PDE1C: variants seen among roughly 807,000 people sequenced by gnomAD.
PDE1C encodes dual specificity calcium/calmodulin-dependent 3',5'-cyclic nucleotide phosphodiesterase 1C.
Under a neutral mutation model 93.1 loss-of-function variants are expected in PDE1C, and 62 were observed. That is an observed-to-expected ratio of 0.67 (90% CI 0.54 to 0.82). PDE1C has a LOEUF of 0.82. Among genes scored for constraint, PDE1C ranks in the 40% least tolerant of loss-of-function variants. The probability of loss-of-function intolerance (pLI) is 0.00; values close to 1 mark genes in which losing one functional copy is unlikely to be tolerated. For synonymous variants in PDE1C, 325 were observed against 310.1 expected, an observed-to-expected ratio of 1.05 and a Z score of -0.50; for missense variants, 742 against 884.6, an observed-to-expected ratio of 0.84 and a Z score of 2.04.
chr7:32,019,455 C>T (rs1788362771), intron 2 of PDE1C, among the ~76,000 whole-genome samples: 1 of 152,134 alleles, frequency 6.6e-6, no homozygotes, highest in Admixed American at 6.5e-5. Flanking sequence ...GCCAGGCATA[C>T]CATGCTAGCG....
intron 2 of PDE1C, among the ~76,000 whole-genome samples, chr7:31,981,958 T>C (rs1812438261): frequency 6.6e-6 from 1 of 152,236 alleles, no homozygotes; most frequent in Non-Finnish European, 1.5e-5. Context: ...GCCAACACTA[T>C]TCCCAAATAT....
chr7:31,695,078 C>T, the PDE1C span, among the ~76,000 whole-genome samples: 1 of 152,068 alleles, frequency 6.6e-6, no homozygotes, highest in Non-Finnish European at 1.5e-5. Context: ...CCATACTGGC[C>T]CTTGGGGTCT....
At chr7:31,997,932 A>G (rs1031158686) in intron 2 of PDE1C, among the ~76,000 whole-genome samples, 4 of 152,242 alleles carry the variant, frequency 2.6e-5, no homozygotes, top group Non-Finnish European at 4.4e-5. Flanking sequence ...AATGTCCCTT[A>G]CTTTAAAAAC....
At chr7:32,317,652 C>T (rs1354148841) in intron 1 of PDE1C, among the ~76,000 whole-genome samples, 1 of 151,972 alleles carries the variant, frequency 6.6e-6, no homozygotes, top group Non-Finnish European at 1.5e-5. Flanking sequence ...TCATCCTACC[C>T]ATAGCCATGT....
chr7:31,997,102 C>T lies in PDE1C; in HGVS notation c.128+54452G>A, dbSNP rs183628845. ...AATAGGTGGGCAAATATTGACAAAACATTAAATAACAACAAACAGTGCTTC... is the reference window on the plus strand; with the variant it reads ...AATAGGTGGGCAAATATTGACAAAATATTAAATAACAACAAACAGTGCTTC... On this transcript the variant is annotated intron_variant, in intron 2 of 17. Transcript: ENST00000396191. Among the ~76,000 whole-genome samples, 431 of 152,264 alleles carry T rather than the reference C, an allele frequency of 2.8e-3. 1 individual carries two copies. Among genetic ancestry groups the T allele is most frequent in the Non-Finnish European group, 4.3e-3 (295 of 68,010 alleles).
At chr7:31,672,276 G>T in the PDE1C span, among the ~76,000 whole-genome samples, 13,488 of 152,044 alleles carry the variant, frequency 0.089, 1,406 homozygotes, top group African/African-American at 0.25. Context: ...TTTTCAAAAC[G>T]TTATTATGGA....
At chr7:31,696,385 C>T in the PDE1C span, among the ~76,000 whole-genome samples, 1 of 152,184 alleles carries the variant, frequency 6.6e-6, no homozygotes, top group Non-Finnish European at 1.5e-5. Context: ...GAAGTGACAT[C>T]ATAAGGGAGT....
At chr7:31,983,649 A>C (rs746013759) in intron 2 of PDE1C, among the ~76,000 whole-genome samples, 3 of 152,096 alleles carry the variant, frequency 2.0e-5, no homozygotes, top group Non-Finnish European at 4.4e-5. Context: ...AAAAATCACC[A>C]TGGTTTACAG....
In PDE1C at chr7:32,405,381, A is replaced by C. The variant is rs574568237; in HGVS notation, c.310+22441T>G. On this transcript the variant is annotated intron_variant, in intron 1 of 1. Coordinates refer to the PDE1C transcript ENST00000672256. ...ATTCTCCTGCCTCAGCCTCCCAAGT[A>C]GCTGGGATTACAGGCATGCACCACC... Among the ~76,000 whole-genome samples the C allele has an allele frequency of 5.3e-5, 8 of 151,670 alleles. 1 individual carries two copies. In the East Asian group the frequency reaches 1.4e-3, roughly 26 times the overall value.
upstream of PDE1C, among the ~76,000 whole-genome samples, chr7:32,301,622 C>A (rs946198877): frequency 6.6e-6 from 1 of 152,186 alleles, no homozygotes; most frequent in Non-Finnish European, 1.5e-5. Context: ...GCCTTTTCAG[C>A]CTTTGGATTC....
At chr7:31,783,748 A>G (rs1016775300) in intron 16 of PDE1C, 3 of 152,176 alleles carry the variant, frequency 2.0e-5, no homozygotes, top group Admixed American at 1.3e-4. Flanking sequence ...ATATGATGCT[A>G]TGGCATTTGG....
intron 3 of PDE1C, among the ~76,000 whole-genome samples, chr7:32,163,114 C>A (rs1045121954): frequency 3.9e-5 from 6 of 152,178 alleles, no homozygotes; most frequent in African/African-American, 1.4e-4. Context: ...AGGAAGGCAA[C>A]ACTAAGTCAG....
the PDE1C span, among the ~76,000 whole-genome samples, chr7:31,704,301 C>T: frequency 3.3e-5 from 5 of 151,990 alleles, no homozygotes; most frequent in East Asian, 1.9e-4. Context: ...TCCCTGAGAC[C>T]GCAATGTAAT....
Position 32,198,669 on chromosome 7 carries a change from C to A in PDE1C, c.136+10820G>T, listed in dbSNP as rs10224462. Among the ~76,000 whole-genome samples the A allele has an allele frequency of 4.3e-3, 657 of 152,286 alleles. 6 individuals carry two copies. The highest frequency in any genetic ancestry group is 0.015 in the African/African-American group (625 of 41,554). On this transcript the variant is annotated intron_variant, in intron 2 of 18. Coordinates refer to the PDE1C transcript ENST00000396193. ...AAGAAGAAAGGGGATGAAGACTACACAAAAGCCTCAAGAAAGTTTCCAGAA... is the reference window on the plus strand; with the variant it reads ...AAGAAGAAAGGGGATGAAGACTACAAAAAAGCCTCAAGAAAGTTTCCAGAA...
intron 1 of PDE1C, among the ~76,000 whole-genome samples, chr7:32,389,197 T>G (rs1963473): frequency 2.0e-3 from 227 of 116,024 alleles, no homozygotes; most frequent in African/African-American, 6.6e-3. Context: ...TGTGGTTTTT[T>G]TGGTTTTTGT....
At chr7:32,023,912 A>G (rs1363815243) in intron 2 of PDE1C, among the ~76,000 whole-genome samples, 1 of 152,086 alleles carries the variant, frequency 6.6e-6, no homozygotes, top group Non-Finnish European at 1.5e-5. Context: ...GGGAAATCTG[A>G]AAAAGCTCTA....
At chr7:32,246,663 A>T (rs538159408) in intron 1 of PDE1C, among the ~76,000 whole-genome samples, 11 of 152,350 alleles carry the variant, frequency 7.2e-5, no homozygotes, top group African/African-American at 2.4e-4. Context: ...AAGCATGTTC[A>T]TGAAGAACAG....
Position 31,790,356 on chromosome 7 carries a change from CAA to C in PDE1C, c.1892-14626_1892-14625del, listed in dbSNP as rs1189630132. ...CTGAGGAGAAGGAAATCTAGGGGAC[CAA>C]AAAAAATGGGATAACCAATTAAACA... On this transcript the variant is annotated intron_variant, in intron 16 of 17. Coordinates refer to ENST00000396191, the MANE Select transcript of PDE1C (RefSeq NM_001191057.4). The C allele has an allele frequency of 2.5e-5, 25 of 988,484 alleles. No individual in the cohort carries two copies. In the South Asian group the frequency reaches 3.5e-4, roughly 14 times the overall value. 61.2% of individuals were successfully genotyped at this position (988,484 alleles called of 1,614,324 possible). A position where few individuals can be genotyped will look rare whatever the true frequency, so the allele number is the denominator to read the frequency against.
intron 1 of PDE1C, among the ~76,000 whole-genome samples, chr7:32,289,319 G>C (rs1301687645): frequency 6.6e-6 from 1 of 152,048 alleles, no homozygotes; most frequent in East Asian, 1.9e-4. Context: ...CTGAGGCAGG[G>C]GGATCGCTTG....
Sources: allele counts gnomAD v4.1 joint callset (sites outside exome capture counted in the v4.1 genomes callset), GRCh38; gene constraint gnomAD v4.1.1; transcripts MANE v1.5; gene names NCBI Gene and HGNC (gene_info 2026-07-23, HGNC 2026-07-21).